CA10: variants seen among roughly 807,000 people sequenced by gnomAD.
CA10 encodes the protein carbonic anhydrase-related protein 10.
In CA10, 14 loss-of-function variants were observed where a neutral mutation model predicts 44.2. That is an observed-to-expected ratio of 0.32 (90% CI 0.21 to 0.50). The LOEUF (loss-of-function observed/expected upper bound fraction) is 0.50. Ranked by LOEUF, CA10 falls within the 20% of genes least tolerant of loss-of-function variation. The pLI, the probability that CA10 is intolerant of heterozygous loss-of-function variation, is 0.99. For synonymous variants in CA10, 159 were observed against 141.6 expected, an observed-to-expected ratio of 1.12 and a Z score of -0.87; for missense variants, 350 against 409.7, an observed-to-expected ratio of 0.85 and a Z score of 1.26.
chr17:52,091,523 C>T (rs1448922320), intron 1 of CA10, among the ~76,000 whole-genome samples: 1 of 152,174 alleles, frequency 6.6e-6, no homozygotes, highest in Non-Finnish European at 1.5e-5. Flanking sequence ...GGCCACTGTG[C>T]TGCTGGCTAA....
intron 3 of CA10, among the ~76,000 whole-genome samples, chr17:51,899,847 T>C (rs1347334679): frequency 2.0e-5 from 3 of 151,556 alleles, no homozygotes; most frequent in Non-Finnish European, 2.9e-5. Context: ...CTACTTTGTC[T>C]GAAATTAATA....
chr17:51,830,223 GA>G (rs1204781347), intron 3 of CA10, among the ~76,000 whole-genome samples: 11 of 140,974 alleles, frequency 7.8e-5, no homozygotes, highest in African/African-American at 2.7e-4. Flanking sequence ...AAAAGAAAAA[GA>G]AAAAAAAGAA....
chr17:51,729,389 A>G (rs1283883990), intron 4 of CA10, among the ~76,000 whole-genome samples: 1 of 152,158 alleles, frequency 6.6e-6, no homozygotes, highest in Non-Finnish European at 1.5e-5. Flanking sequence ...ACAAACAAAC[A>G]CACAGTGAGT....
At chr17:51,947,681 CTCTT>C (rs1310783820) in intron 2 of CA10, among the ~76,000 whole-genome samples, 1 of 152,146 alleles carries the variant, frequency 6.6e-6, no homozygotes, top group Non-Finnish European at 1.5e-5. Flanking sequence ...AAACTTTCTG[CTCTT>C]TCTTTCAAGC....
At chr17:51,694,844 G>A (rs998191365) in intron 4 of CA10, among the ~76,000 whole-genome samples, 1 of 152,164 alleles carries the variant, frequency 6.6e-6, no homozygotes, top group Non-Finnish European at 1.5e-5. Context: ...ATAGGTGAAA[G>A]GTAGGGGTCC....
intron 3 of CA10, among the ~76,000 whole-genome samples, chr17:51,883,441 C>T (rs1980464354): frequency 6.6e-6 from 1 of 152,058 alleles, no homozygotes; most frequent in Admixed American, 6.6e-5. Flanking sequence ...AAATCCTTTC[C>T]TCCCATTTTC....
At chr17:51,948,825 C>G (rs1472915085) in intron 2 of CA10, among the ~76,000 whole-genome samples, 1 of 152,074 alleles carries the variant, frequency 6.6e-6, no homozygotes, top group African/African-American at 2.4e-5. Flanking sequence ...AACAGAGTTA[C>G]ACAGATGTTT....
intron 2 of CA10, among the ~76,000 whole-genome samples, chr17:51,973,390 C>A (rs1229708464): frequency 2.0e-5 from 3 of 152,160 alleles, no homozygotes; most frequent in Non-Finnish European, 4.4e-5. Flanking sequence ...GACAGGAGGA[C>A]GCTCTGCAGA....
chr17:51,937,809 C>A (rs933442697), intron 2 of CA10, among the ~76,000 whole-genome samples: 2 of 152,138 alleles, frequency 1.3e-5, no homozygotes, highest in African/African-American at 4.8e-5. Context: ...AAGAAGCAAG[C>A]TGACCTGGCC....
At chr17:51,826,484 G>C (rs911066921) in intron 3 of CA10, among the ~76,000 whole-genome samples, 25 of 152,236 alleles carry the variant, frequency 1.6e-4, no homozygotes, top group African/African-American at 6.0e-4. Flanking sequence ...GACTTCATAA[G>C]CTATGAAGCA....
chr17:51,831,705 G>T (rs985108814), intron 3 of CA10, among the ~76,000 whole-genome samples: 46 of 143,680 alleles, frequency 3.2e-4, no homozygotes, highest in African/African-American at 1.3e-3. Flanking sequence ...AGCAGCAGCA[G>T]CAGCAGCAGC....
chr17:51,808,113 G>T (rs550237559), intron 3 of CA10, among the ~76,000 whole-genome samples: 8 of 152,292 alleles, frequency 5.3e-5, no homozygotes, highest in African/African-American at 1.9e-4. Flanking sequence ...TAGGGAATTT[G>T]CTGACCAATC....
At chr17:51,804,217 T>G (rs1386716897) in intron 3 of CA10, among the ~76,000 whole-genome samples, 2 of 152,146 alleles carry the variant, frequency 1.3e-5, no homozygotes, top group African/African-American at 4.8e-5. Flanking sequence ...AAAATACAAA[T>G]TTCTATAAAT....
intron 1 of CA10, among the ~76,000 whole-genome samples, chr17:52,077,307 T>TA (rs1315653199): frequency 2.6e-5 from 4 of 152,200 alleles, no homozygotes; most frequent in Non-Finnish European, 5.9e-5. Context: ...GGTGATCCCT[T>TA]CTTGCACAGA....
intron 3 of CA10, among the ~76,000 whole-genome samples, chr17:51,811,708 C>T (rs1481495128): frequency 2.0e-5 from 3 of 152,098 alleles, no homozygotes; most frequent in Admixed American, 1.3e-4. Context: ...GGGTTGGTTC[C>T]AAGTCTTTGC....
intron 1 of CA10, among the ~76,000 whole-genome samples, chr17:52,072,718 A>ACAC (rs1987717481): frequency 3.5e-5 from 3 of 85,880 alleles, no homozygotes; most frequent in South Asian, 4.4e-4. Flanking sequence ...CACACACACA[A>ACAC]CACACACACA....
chr17:51,760,445 G>A (rs1217070881), intron 3 of CA10, among the ~76,000 whole-genome samples: 1 of 152,164 alleles, frequency 6.6e-6, no homozygotes, highest in African/African-American at 2.4e-5. Flanking sequence ...CCAGGTGTGT[G>A]ACAGCAGGGA....
chr17:51,765,920 G>C lies in CA10; in HGVS notation c.280-18102C>G, dbSNP rs151223124. 1.4e-4 allele frequency among the ~76,000 whole-genome samples: 22 copies of C among 152,280 alleles called. No individual in the cohort carries two copies. In the East Asian group the frequency reaches 4.1e-3, roughly 28 times the overall value. ...AATTACAGCTGAAGAGAGAAGCTGA[G>C]ATCACTACGAGGTAAGCAGTGCCAA... On this transcript the variant is annotated intron_variant, in intron 3 of 8. Transcript: ENST00000451037.
At chr17:52,013,550 C>G (rs1348545644) in intron 2 of CA10, among the ~76,000 whole-genome samples, 1 of 151,742 alleles carries the variant, frequency 6.6e-6, no homozygotes, top group Non-Finnish European at 1.5e-5. Flanking sequence ...ATTCAACACA[C>G]AGAAACATAT....
Sources: gnomAD v4.1 joint callset for allele counts (sites outside exome capture counted in the v4.1 genomes callset) on GRCh38, gnomAD v4.1.1 for gene constraint, MANE v1.5 for transcripts, NCBI Gene and HGNC (gene_info 2026-07-23, HGNC 2026-07-21) for gene names.